Variants in ZNF827 observed in about 807,000 individuals in gnomAD.
ZNF827 encodes the protein zinc finger protein 827.
A neutral mutation model predicts 102.4 loss-of-function variants in ZNF827; 13 were observed. The ratio of observed to expected loss-of-function variants is 0.13; its 90% CI spans 0.08 to 0.20. The LOEUF is 0.20. ZNF827 is among the 10% of genes least tolerant of loss of function. The pLI is 1.00. For synonymous variants in ZNF827, 523 were observed against 536.2 expected, an observed-to-expected ratio of 0.98 and a Z score of 0.34; for missense variants, 1,103 against 1,344.4, an observed-to-expected ratio of 0.82 and a Z score of 2.81.
At chr4:145,917,985 A>G (rs186853415) in intron 1 of ZNF827, among the ~76,000 whole-genome samples, 1 of 152,178 alleles carries the variant, frequency 6.6e-6, no homozygotes, top group East Asian at 1.9e-4. Flanking sequence ...GTGAAAATAT[A>G]TTGGGCAATT....
intron 1 of ZNF827, among the ~76,000 whole-genome samples, chr4:145,914,556 C>CT: frequency 6.6e-6 from 1 of 152,356 alleles, no homozygotes; most frequent in Admixed American, 6.5e-5. Flanking sequence ...CAAATGTATT[C>CT]TTATTCCTTG....
intron 1 of ZNF827, among the ~76,000 whole-genome samples, chr4:145,930,839 G>A (rs184414525): frequency 2.7e-5 from 4 of 150,482 alleles, no homozygotes; most frequent in South Asian, 2.1e-4. Context: ...GTGTGTGTGC[G>A]TGTGTGTGTG....
intron 5 of ZNF827, among the ~76,000 whole-genome samples, chr4:145,867,396 G>A (rs1748304704): frequency 6.6e-6 from 1 of 152,192 alleles, no homozygotes; most frequent in Non-Finnish European, 1.5e-5. Context: ...ACATAGAAAA[G>A]TTCCACATGA....
intron 4 of ZNF827, among the ~76,000 whole-genome samples, chr4:145,878,602 CAGGAAAGGAA>C (rs869069442): frequency 0.042 from 2,671 of 63,320 alleles, 86 homozygotes; most frequent in East Asian, 0.17. Context: ...CAGGACAGGA[CAGGAAAGGAA>C]AGGAAAGGAA....
At chr4:145,911,552 T>C (rs1752295769) in intron 1 of ZNF827, among the ~76,000 whole-genome samples, 1 of 152,208 alleles carries the variant, frequency 6.6e-6, no homozygotes, top group Non-Finnish European at 1.5e-5. Context: ...ATAAAGTAAC[T>C]TGCCAGTATA....
rs35536912 is a variant in ZNF827, at chr4:145,805,125, TTGTGTGTGTGTGTGTG to T, written c.2383+18281_2383+18296del. Among the ~76,000 whole-genome samples the T allele has an allele frequency of 4.7e-5, 7 of 148,374 alleles. No homozygotes were observed. In the East Asian group the frequency reaches 1.0e-3, roughly 21 times the overall value. The stretch of plus-strand genomic sequence containing the variant: ...ATAAATAATGCCGGAGCAATTCCTT[TTGTGTGTGTGTGTGTG>T]TGTGTGTGTGTGTGTGTGTGCATTT... On this transcript the variant is annotated intron_variant, in intron 8 of 14. Coordinates refer to ENST00000508784, the MANE Select transcript of ZNF827 (RefSeq NM_001306215.2).
At chr4:145,774,747 A>C in intron 10 of ZNF827, 75 bp from the exon 11 acceptor site, 1 of 1,488,240 alleles carries the variant, frequency 6.7e-7, no homozygotes. Context: ...CTGTCCATTT[A>C]TACACAGTAC....
intron 7 of ZNF827, among the ~76,000 whole-genome samples, chr4:145,824,709 G>A (rs1743494107): frequency 6.6e-6 from 1 of 152,110 alleles, no homozygotes; most frequent in African/African-American, 2.4e-5. Flanking sequence ...GCAGCCAGGA[G>A]GGATCACTAC....
chr4:145,888,188 A>C (rs1284969511), intron 3 of ZNF827, among the ~76,000 whole-genome samples: 1 of 152,198 alleles, frequency 6.6e-6, no homozygotes, highest in Non-Finnish European at 1.5e-5. Context: ...TGCACTTAAC[A>C]ATTTTTTTTG....
At chr4:145,872,874 CAAAAAA>C (rs1237150207) in intron 4 of ZNF827, among the ~76,000 whole-genome samples, 1 of 146,866 alleles carries the variant, frequency 6.8e-6, no homozygotes, top group Admixed American at 6.7e-5. Flanking sequence ...GATTCTGTCT[CAAAAAA>C]ACAAAAACAA....
At chr4:145,786,881 C>T (rs1348061254) in intron 8 of ZNF827, among the ~76,000 whole-genome samples, 2 of 152,198 alleles carry the variant, frequency 1.3e-5, no homozygotes, top group Non-Finnish European at 2.9e-5. Flanking sequence ...GAATTTCCAG[C>T]TCAGAGGATC....
Position 145,774,521 on chromosome 4 carries a change from C to T in ZNF827, c.2845G>A (p.Gly949Ser), listed in dbSNP as rs150430236. 119 of 1,610,924 alleles carry T rather than the reference C, an allele frequency of 7.4e-5. No homozygotes were observed. Among genetic ancestry groups the T allele is most frequent in the Non-Finnish European group, 9.4e-5 (111 of 1,178,660 alleles). Residue 949 changes from glycine to serine, a missense_variant, in exon 11 of 15, where the codon GGC (glycine) becomes AGC (serine). Around this residue, in one of 5 missense-constraint regions of ZNF827, gnomAD observed 242 missense variants for 361.9 expected, o/e 0.67. Coordinates refer to ENST00000508784, the MANE Select transcript of ZNF827 (RefSeq NM_001306215.2). ...GAATGGTCACCTGTGTGCTTGGTGCCAATGTGAGTCTTTATCTCTGCTTCC... is the reference window on the plus strand; with the variant it reads ...GAATGGTCACCTGTGTGCTTGGTGCTAATGTGAGTCTTTATCTCTGCTTCC... The part of the protein sequence containing the change: ...MEEAEIKTHI[G>S]TKHTGEDRKT...
At chr4:145,918,184 C>G (rs1370314092) in intron 1 of ZNF827, among the ~76,000 whole-genome samples, 1 of 151,900 alleles carries the variant, frequency 6.6e-6, no homozygotes, top group Non-Finnish European at 1.5e-5. Flanking sequence ...TTACAGAAAA[C>G]CTAATTTTTA....
chr4:145,820,403 C>A (rs1743027513), intron 8 of ZNF827, among the ~76,000 whole-genome samples: 2 of 152,154 alleles, frequency 1.3e-5, no homozygotes, highest in African/African-American at 4.8e-5. Context: ...TTTATTTTTG[C>A]ATTATCTGCT....
At chr4:145,887,923 T>C (rs1750255738) in intron 3 of ZNF827, among the ~76,000 whole-genome samples, 1 of 152,066 alleles carries the variant, frequency 6.6e-6, no homozygotes, top group South Asian at 2.1e-4. Flanking sequence ...TTCAGAAGTG[T>C]CCTTACATCT....
intron 1 of ZNF827, among the ~76,000 whole-genome samples, chr4:145,919,156 AG>A (rs1752887203): frequency 1.3e-5 from 2 of 152,186 alleles, no homozygotes; most frequent in Admixed American, 1.3e-4. Context: ...TGGGAGGCTA[AG>A]GTGGGAGGAT....
intron 11 of ZNF827, among the ~76,000 whole-genome samples, chr4:145,769,186 G>A (rs994383307): frequency 6.6e-6 from 1 of 151,856 alleles, no homozygotes; most frequent in Non-Finnish European, 1.5e-5. Flanking sequence ...TATTAGAACT[G>A]CAAGTATGTG....
At chr4:145,825,123 G>A (rs1039882562) in intron 7 of ZNF827, among the ~76,000 whole-genome samples, 1 of 152,254 alleles carries the variant, frequency 6.6e-6, no homozygotes, top group East Asian at 1.9e-4. Context: ...GGCTAAGGCC[G>A]TGAAGGAGGG....
At chr4:145,915,920 G>T (rs1317847618) in intron 1 of ZNF827, among the ~76,000 whole-genome samples, 2 of 152,176 alleles carry the variant, frequency 1.3e-5, no homozygotes, top group African/African-American at 4.8e-5. Context: ...CAAGAGAATG[G>T]GATAACTGGT....
Sources: gnomAD v4.1 joint callset for allele counts (sites outside exome capture counted in the v4.1 genomes callset) on GRCh38, gnomAD v4.1.1 for gene constraint, gnomAD v4.1.1 regional missense constraint, MANE v1.5 for transcripts, NCBI Gene and HGNC (gene_info 2026-07-23, HGNC 2026-07-21) for gene names.